The following LHFPL4 variants were observed in gnomAD, a reference collection of about 807,000 sequenced individuals.
The protein encoded by LHFPL4 is LHFPL tetraspan subfamily member 4 protein.
Under a neutral mutation model 20.0 loss-of-function variants are expected in LHFPL4, and 6 were observed. The observed-to-expected ratio is 0.30, with a 90% confidence interval of 0.16 to 0.59. The LOEUF (loss-of-function observed/expected upper bound fraction) is 0.59. Among genes scored for constraint, LHFPL4 ranks in the 20% least tolerant of loss-of-function variants. The pLI is 0.88. For missense variants in LHFPL4, 215 were observed against 331.2 expected (o/e 0.65, Z 2.72); for synonymous variants, 129 against 143.8 (o/e 0.90, Z 0.74).
At chr3:9,531,573 C>T (rs937546561) in intron 2 of LHFPL4, among the ~76,000 whole-genome samples, 7 of 152,138 alleles carry the variant, frequency 4.6e-5, no homozygotes, top group African/African-American at 9.7e-5. Flanking sequence ...GAGGCCGAGG[C>T]GGGTGGATCA....
At position 9,552,735 on chromosome 3, in the gene LHFPL4, GA is replaced by G; in HGVS notation, c.-57del. 1 of 1,095,716 alleles carries G rather than the reference GA, an allele frequency of 9.1e-7. No individual in the cohort carries two copies. The highest frequency in any genetic ancestry group is 5.0e-5 in the East Asian group (1 of 20,038). The allele number at this position is 1,095,716 out of a possible 1,614,324, so 67.9% of individuals were successfully genotyped here. A position where few individuals can be genotyped will look rare whatever the true frequency, so the allele number is the denominator to read the frequency against. Reference sequence around the variant, plus strand: ...CGGCTGGCGGGGGCCGCCGGCCCGGGACGGAGCGCCGGGCTGCCGGGCGGGA... The same window carrying G: ...CGGCTGGCGGGGGCCGCCGGCCCGGGCGGAGCGCCGGGCTGCCGGGCGGGA... On this transcript the variant is annotated 5_prime_UTR_variant, in exon 2 of 4. Transcript: ENST00000287585.
intron 2 of LHFPL4, among the ~76,000 whole-genome samples, chr3:9,551,599 C>T (rs2046554602): frequency 6.6e-6 from 1 of 152,142 alleles, no homozygotes; most frequent in African/African-American, 2.4e-5. Flanking sequence ...GGGCATGGCA[C>T]CAGAACTTTC....
At chr3:9,545,055 GACAC>G (rs1323789173) in intron 2 of LHFPL4, among the ~76,000 whole-genome samples, 4 of 151,968 alleles carry the variant, frequency 2.6e-5, no homozygotes, top group African/African-American at 9.7e-5. Context: ...CACAGTGCCT[GACAC>G]ACACACACGA....
chr3:9,524,321 A>G (rs910618839), intron 2 of LHFPL4, among the ~76,000 whole-genome samples: 122 of 151,964 alleles, frequency 8.0e-4, no homozygotes, highest in African/African-American at 2.7e-3. Flanking sequence ...AGTCATTATT[A>G]TTCCAAAAGT....
intron 2 of LHFPL4, among the ~76,000 whole-genome samples, chr3:9,532,230 T>C (rs1472944518): frequency 6.6e-6 from 1 of 152,178 alleles, no homozygotes; most frequent in South Asian, 2.1e-4. Context: ...GATTTCACCA[T>C]GTTGGCCAGG....
chr3:9,553,272 T>C (rs1410155839), intron 1 of LHFPL4, among the ~76,000 whole-genome samples: 35 of 147,518 alleles, frequency 2.4e-4, no homozygotes, highest in African/African-American at 8.5e-4. Context: ...GACTGGGTGG[T>C]TGGGAAGGTA....
chr3:9,538,580 G>C (rs1416122814), intron 2 of LHFPL4, among the ~76,000 whole-genome samples: 1 of 152,146 alleles, frequency 6.6e-6, no homozygotes, highest in Non-Finnish European at 1.5e-5. Flanking sequence ...AGCGCCATGA[G>C]GCAGTTATTA....
intron 2 of LHFPL4, chr3:9,551,195 T>C (rs2046550993): frequency 6.6e-6 from 1 of 152,252 alleles, no homozygotes; most frequent in Non-Finnish European, 1.5e-5. Flanking sequence ...AGGGGGTCTC[T>C]TTTGGAATGG....
rs2046541672 is a variant in LHFPL4 at position 9,549,833 on chromosome 3, T to A, written c.406+2441A>T. On this transcript the variant is annotated intron_variant, in intron 2 of 3. Transcript: ENST00000287585. ...ATTTATCACTTTCTGAATGGAATGA[T>A]CTTGATGAAAGAGTTGTCCCAGGAT... is the stretch of plus-strand genomic sequence containing the variant. 2.6e-5 allele frequency among the ~76,000 whole-genome samples: 4 copies of A among 152,220 alleles called. No homozygotes were observed. In the South Asian group the frequency reaches 8.3e-4, roughly 32 times the overall value.
intron 2 of LHFPL4, among the ~76,000 whole-genome samples, chr3:9,512,942 T>A (rs2046270687): frequency 6.6e-6 from 1 of 151,260 alleles, no homozygotes; most frequent in African/African-American, 2.4e-5. Flanking sequence ...CTCTAGGACA[T>A]TTTTTTGTTT....
intron 2 of LHFPL4, among the ~76,000 whole-genome samples, chr3:9,510,183 G>A (rs1332864328): frequency 6.6e-6 from 1 of 152,156 alleles, no homozygotes; most frequent in African/African-American, 2.4e-5. Context: ...GGCATGGGTG[G>A]CTCATGCCTG....
chr3:9,547,786 T>TTTG (rs2046525130), intron 2 of LHFPL4, among the ~76,000 whole-genome samples: 1 of 106,522 alleles, frequency 9.4e-6, no homozygotes, highest in Non-Finnish European at 2.1e-5. Flanking sequence ...AGATTTTTGT[T>TTTG]CTTTGTTTTG....
At chr3:9,552,011 G>A (rs1241125454) in intron 2 of LHFPL4, among the ~76,000 whole-genome samples, 1 of 151,880 alleles carries the variant, frequency 6.6e-6, no homozygotes, top group Non-Finnish European at 1.5e-5. Context: ...CTAACTTAAT[G>A]CTAACCGAGC....
intron 2 of LHFPL4, among the ~76,000 whole-genome samples, chr3:9,540,763 T>A (rs962293593): frequency 6.6e-6 from 1 of 150,594 alleles, no homozygotes; most frequent in African/African-American, 2.4e-5. Context: ...TAATGAGGCA[T>A]GGTGGTGTAT....
chr3:9,536,762 GA>G (rs1043184948), intron 2 of LHFPL4, among the ~76,000 whole-genome samples: 2 of 151,874 alleles, frequency 1.3e-5, no homozygotes, highest in African/African-American at 4.8e-5. Flanking sequence ...AGGAGTTCGA[GA>G]TCAGCCTGTG....
At chr3:9,539,536 C>T (rs1440460433) in intron 2 of LHFPL4, among the ~76,000 whole-genome samples, 1 of 151,884 alleles carries the variant, frequency 6.6e-6, no homozygotes. Flanking sequence ...CAACCAGATC[C>T]GATCATGTTC....
At chr3:9,528,972 C>T (rs2046392241) in intron 2 of LHFPL4, among the ~76,000 whole-genome samples, 1 of 150,720 alleles carries the variant, frequency 6.6e-6, no homozygotes, top group Admixed American at 6.6e-5. Flanking sequence ...GGCTGGAGTG[C>T]AGTAGCACGA....
intron 2 of LHFPL4, among the ~76,000 whole-genome samples, chr3:9,528,727 T>TGCCTC (rs1326564070): frequency 6.6e-6 from 1 of 151,688 alleles, no homozygotes; most frequent in Non-Finnish European, 1.5e-5. Flanking sequence ...GCAATTCTCC[T>TGCCTC]GCCTCTACCT....
At chr3:9,524,766 C>G (rs1183726256) in intron 2 of LHFPL4, among the ~76,000 whole-genome samples, 2 of 152,164 alleles carry the variant, frequency 1.3e-5, no homozygotes, top group African/African-American at 4.8e-5. Context: ...CATATTTGCT[C>G]TGTCTCTTCA....
Sources: gnomAD v4.1 joint callset for allele counts (sites outside exome capture counted in the v4.1 genomes callset) on GRCh38, gnomAD v4.1.1 for gene constraint, MANE v1.5 for transcripts, NCBI Gene and HGNC (gene_info 2026-07-23, HGNC 2026-07-21) for gene names.